The following CCNF variants were observed in gnomAD, a reference collection of about 807,000 sequenced individuals.
The protein encoded by CCNF is cyclin-F.
A neutral mutation model predicts 85.4 loss-of-function variants in CCNF; 30 were observed. The observed-to-expected ratio is 0.35, with a 90% CI of 0.26 to 0.48. CCNF has a LOEUF of 0.48. Ranked by LOEUF, CCNF falls within the 20% of genes least tolerant of loss-of-function variation. The pLI, the probability that CCNF is intolerant of heterozygous loss-of-function variation, is 0.99. For missense variants in CCNF, 919 were observed against 1,010.4 expected (o/e 0.91, Z 1.23); for synonymous variants, 439 against 425.1 (o/e 1.03, Z -0.40).
chr16:2,443,622 C>T (rs145432131), intron 8 of CCNF, 27 bp from the exon 9 acceptor site: 23,860 of 1,607,300 alleles, frequency 0.015, 252 homozygotes, highest in Non-Finnish European at 0.017. Flanking sequence ...TGCTGTCTCA[C>T]GCTCATGTTT....
chr16:2,437,865 C>T, intron 5 of CCNF: 1 of 540,158 alleles, frequency 1.9e-6, no homozygotes, highest in Non-Finnish European at 3.3e-6. Flanking sequence ...TGCCAATGCA[C>T]TCCAGCCTGG....
intron 5 of CCNF, 111 bp downstream of exon 5, chr16:2,437,433 T>C: frequency 1.3e-6 from 1 of 758,700 alleles, no homozygotes; most frequent in Non-Finnish European, 2.0e-6. Context: ...CTAAGGGAAG[T>C]GAAGATGCAG....
chr16:2,435,260 A>G (rs1475090768), intron 3 of CCNF, among the ~76,000 whole-genome samples: 3 of 95,026 alleles, frequency 3.2e-5, no homozygotes, highest in Non-Finnish European at 5.8e-5. Context: ...AAAAAAAAAA[A>G]AGAAAAGAAA....
At chr16:2,429,595 G>T in intron 1 of CCNF, 98 bp downstream of exon 1, 1 of 1,115,628 alleles carries the variant, frequency 9.0e-7, no homozygotes, top group Non-Finnish European at 1.1e-6. Context: ...GGCCCTGGCG[G>T]CCTGAAGAGG....
At chr16:2,431,719 GGAT>G (rs1596913391) in intron 2 of CCNF, among the ~76,000 whole-genome samples, 1 of 150,666 alleles carries the variant, frequency 6.6e-6, no homozygotes, top group East Asian at 1.9e-4. Context: ...AAGGAAACAA[GGAT>G]GATATCATTA....
chr16:2,443,031 TATATA>T (rs1432270451), intron 8 of CCNF, among the ~76,000 whole-genome samples: 25 of 119,862 alleles, frequency 2.1e-4, no homozygotes, highest in African/African-American at 4.8e-4. Context: ...TGTTCTATAA[TATATA>T]ATATAATATT....
chr16:2,445,473 C>T lies in CCNF; in HGVS notation c.945C>T (p.Asp315=), dbSNP rs754435611. 3 of 1,614,146 alleles carry T rather than the reference C, an allele frequency of 1.9e-6. No individual in the cohort carries two copies. The highest frequency in any genetic ancestry group is 1.1e-5 in the South Asian group (1 of 91,092). Residue 315 remains aspartate, a synonymous_variant, in exon 10 of 17, where the codon GAC becomes GAT. Coordinates refer to ENST00000397066, the MANE Select transcript of CCNF (RefSeq NM_001761.3). The part of the protein sequence containing the change: ...LNDTMRYILI[D]WLVEVATMKD... ...CTTTCCGCAGGTACATTCTGATCGA[C>T]TGGCTGGTGGAAGTTGCCACCATGA...
chr16:2,430,284 C>A (rs1202188812), intron 1 of CCNF, among the ~76,000 whole-genome samples: 1 of 151,936 alleles, frequency 6.6e-6, no homozygotes, highest in African/African-American at 2.4e-5. Context: ...GAGGCAGGAT[C>A]CTGAGGTTCC....
chr16:2,443,009 AATT>A (rs1240459833), intron 8 of CCNF, among the ~76,000 whole-genome samples: 7 of 114,118 alleles, frequency 6.1e-5, no homozygotes, highest in Non-Finnish European at 1.0e-4. Context: ...TATATTATAT[AATT>A]ATATTATATG....
At chr16:2,433,145 G>A in intron 3 of CCNF, 78 bp downstream of exon 3, 1 of 866,164 alleles carries the variant, frequency 1.2e-6, no homozygotes, top group South Asian at 1.5e-5. Context: ...CTCACGGCCT[G>A]ATTCAGCAAC....
Position 2,457,013 on chromosome 16 carries a change from G to A in CCNF, c.2354G>A (p.Arg785Lys), listed in dbSNP as rs749608336. Reference sequence around the variant, plus strand: ...GAGGACATGAACCTGGGCCTTGTGAGGCTGTAAGTGTGTCAGCACATTTGC... The same window carrying A: ...GAGGACATGAACCTGGGCCTTGTGAAGCTGTAAGTGTGTCAGCACATTTGC... ...EEEDMNLGLV[R>K]L The change falls in exon 17 of 17, where the codon AGG becomes AAG. Residue 785 changes from arginine (R) to lysine (K), a missense_variant. Arg to Lys is a conservative substitution (Grantham distance 26, BLOSUM62 2). Around this residue, in one of 3 missense-constraint regions of CCNF, gnomAD observed 505 missense variants for 514.8 expected, o/e 0.98. Coordinates refer to ENST00000397066, the MANE Select transcript of CCNF (RefSeq NM_001761.3). 6.3e-7 allele frequency: 1 copy of A among 1,578,644 alleles called. No individual in the cohort carries two copies. Among genetic ancestry groups the A allele is most frequent in the East Asian group, 2.2e-5 (1 of 44,544 alleles).
intron 12 of CCNF, 123 bp from the exon 13 acceptor site, chr16:2,449,705 A>C: frequency 1.3e-6 from 1 of 767,534 alleles, no homozygotes; most frequent in Non-Finnish European, 2.2e-6. Context: ...AAGAAACTCC[A>C]CAGCAGAGCC....
chr16:2,450,875 C>G, intron 13 of CCNF, among the ~76,000 whole-genome samples: 1 of 152,268 alleles, frequency 6.6e-6, no homozygotes, highest in East Asian at 1.9e-4. Context: ...GAGAGAACAG[C>G]TTCTGCCCTG....
chr16:2,439,929 C>G, intron 8 of CCNF, 103 bp downstream of exon 8: 1 of 978,214 alleles, frequency 1.0e-6, no homozygotes, highest in Non-Finnish European at 1.6e-6. Context: ...ACTATCTGGG[C>G]TCCCACATGG....
intron 7 of CCNF, 139 bp downstream of exon 7, chr16:2,439,596 G>A: frequency 1.1e-6 from 1 of 891,916 alleles, no homozygotes; most frequent in South Asian, 1.5e-5. Flanking sequence ...GGAACCACTG[G>A]TCAGTCGGCT....
At chr16:2,441,162 A>T (rs1028185493) in intron 8 of CCNF, among the ~76,000 whole-genome samples, 8 of 152,022 alleles carry the variant, frequency 5.3e-5, no homozygotes, top group Non-Finnish European at 1.2e-4. Flanking sequence ...TGAACCCAGG[A>T]GGAGGAAGTT....
intron 8 of CCNF, among the ~76,000 whole-genome samples, chr16:2,441,035 C>T (rs1267801637): frequency 2.0e-5 from 3 of 151,754 alleles, no homozygotes; most frequent in African/African-American, 7.3e-5. Context: ...AGGTCGAGAC[C>T]ACCCTGGCCA....
At chr16:2,446,072 T>C (rs1205826390) in intron 10 of CCNF, among the ~76,000 whole-genome samples, 2 of 152,164 alleles carry the variant, frequency 1.3e-5, no homozygotes, top group East Asian at 3.9e-4. Flanking sequence ...TCCCACCTGG[T>C]CAGACATGGA....
At chr16:2,446,546 C>T (rs1021932102) in intron 10 of CCNF, among the ~76,000 whole-genome samples, 9 of 152,232 alleles carry the variant, frequency 5.9e-5, no homozygotes, top group Non-Finnish European at 1.2e-4. Context: ...TCTCACAATA[C>T]GATTTGCATT....
Sources: allele counts gnomAD v4.1 joint callset (sites outside exome capture counted in the v4.1 genomes callset), GRCh38; gene constraint gnomAD v4.1.1; regional missense constraint gnomAD v4.1.1; transcripts MANE v1.5; gene names NCBI Gene and HGNC (gene_info 2026-07-23, HGNC 2026-07-21).